ACTN4: variants seen among roughly 807,000 people sequenced by gnomAD.
ACTN4 encodes the protein alpha-actinin-4.
A neutral mutation model predicts 114.2 loss-of-function variants in ACTN4; 18 were observed. The ratio of observed to expected loss-of-function variants is 0.16; its 90% CI spans 0.11 to 0.23. The LOEUF is 0.23. Among genes scored for constraint, ACTN4 ranks in the 10% least tolerant of loss-of-function variants. The probability of loss-of-function intolerance (pLI) is 1.00; values close to 1 mark genes in which losing one functional copy is unlikely to be tolerated. For synonymous variants in ACTN4, 515 were observed against 506.3 expected, an observed-to-expected ratio of 1.02 and a Z score of -0.23; for missense variants, 722 against 1,262.9, an observed-to-expected ratio of 0.57 and a Z score of 6.49.
intron 1 of ACTN4, among the ~76,000 whole-genome samples, chr19:38,691,401 C>CAAAAAAAA (rs34899917): frequency 9.5e-5 from 5 of 52,868 alleles, no homozygotes; most frequent in East Asian, 1.1e-3. Flanking sequence ...AACTCCGTCT[C>CAAAAAAAA]AAAAAAAAAA....
chr19:38,717,798 A>G lies in ACTN4; in HGVS notation c.1144-129A>G. Reference sequence around the variant, plus strand: ...GGCCCTGTGTAGGCATCCAGGTATAATAGCAAAGCATGACACAGACATGAC... The same window carrying G: ...GGCCCTGTGTAGGCATCCAGGTATAGTAGCAAAGCATGACACAGACATGAC... On this transcript the variant is annotated intron_variant, in intron 10 of 20. Coordinates refer to ENST00000252699, the MANE Select transcript of ACTN4 (RefSeq NM_004924.6). The surrounding 1 kb of genome is among the most constrained non-coding windows in gnomAD (Gnocchi z 4.0). 2.3e-6 allele frequency: 3 copies of G among 1,281,270 alleles called. No individual in the cohort carries two copies. The allele number at this position is 1,281,270 out of a possible 1,614,324, so 79.4% of individuals were successfully genotyped here.
intron 8 of ACTN4, 96 bp from the exon 9 acceptor site, chr19:38,714,373 T>TC: frequency 8.9e-7 from 1 of 1,120,366 alleles, no homozygotes; most frequent in Middle Eastern, 2.3e-4. Flanking sequence ...TGTGAGGAGT[T>TC]CCGTGGGCCA....
intron 1 of ACTN4, among the ~76,000 whole-genome samples, chr19:38,693,097 A>C (rs969159417): frequency 2.6e-5 from 4 of 152,160 alleles, no homozygotes. Context: ...GCGGGTGGGC[A>C]GTGTACACGG....
At chr19:38,705,639 A>G (rs1321603530) in intron 4 of ACTN4, among the ~76,000 whole-genome samples, 1 of 152,208 alleles carries the variant, frequency 6.6e-6, no homozygotes, top group Non-Finnish European at 1.5e-5. Flanking sequence ...GCCTCTCTAC[A>G]GCTGGTATTT....
At chr19:38,668,791 C>A (rs1967043311) in intron 1 of ACTN4, among the ~76,000 whole-genome samples, 1 of 152,194 alleles carries the variant, frequency 6.6e-6, no homozygotes, top group South Asian at 2.1e-4. Context: ...TTTTACTGCT[C>A]ACTGACTTAC....
chr19:38,707,666 G>T (rs761878374), intron 5 of ACTN4, among the ~76,000 whole-genome samples: 3 of 152,170 alleles, frequency 2.0e-5, no homozygotes, highest in Non-Finnish European at 2.9e-5. Context: ...GGGTGTGGAG[G>T]CCACACAGCA....
intron 1 of ACTN4, among the ~76,000 whole-genome samples, chr19:38,697,172 G>A (rs1466926751): frequency 1.3e-5 from 2 of 152,210 alleles, no homozygotes; most frequent in African/African-American, 4.8e-5. Flanking sequence ...TGGAGGGCGG[G>A]TAGGGCAGCA....
chr19:38,714,075 C>CCCAGCTCT (rs1245620301), intron 8 of ACTN4, among the ~76,000 whole-genome samples: 23 of 152,220 alleles, frequency 1.5e-4, no homozygotes, highest in Admixed American at 1.5e-3. Context: ...CTCTGTTGCC[C>CCCAGCTCT]CCAGCTCTCC....
intron 11 of ACTN4, among the ~76,000 whole-genome samples, chr19:38,720,722 C>T (rs1359482820): frequency 6.6e-6 from 1 of 152,198 alleles, no homozygotes; most frequent in Non-Finnish European, 1.5e-5. Context: ...AGGCACAGGC[C>T]CAGAGAGGCC....
intron 1 of ACTN4, among the ~76,000 whole-genome samples, chr19:38,656,295 A>G (rs1976709433): frequency 6.6e-6 from 1 of 152,238 alleles, no homozygotes; most frequent in Non-Finnish European, 1.5e-5. Flanking sequence ...GTGTTTTTGT[A>G]GAGATGGGGT....
chr19:38,656,799 G>T (rs1437874648), intron 1 of ACTN4, among the ~76,000 whole-genome samples: 1 of 152,150 alleles, frequency 6.6e-6, no homozygotes, highest in African/African-American at 2.4e-5. Flanking sequence ...AAGGTGTGGG[G>T]CTGAGTGATG....
At chr19:38,716,162 C>T (rs1383998685) in intron 9 of ACTN4, among the ~76,000 whole-genome samples, 2 of 152,220 alleles carry the variant, frequency 1.3e-5, no homozygotes, top group African/African-American at 2.4e-5. Flanking sequence ...ACCTCAGCCT[C>T]CCAAAGTGCT....
At chr19:38,650,397 C>G (rs1348537272) in intron 1 of ACTN4, among the ~76,000 whole-genome samples, 1 of 152,094 alleles carries the variant, frequency 6.6e-6, no homozygotes, top group East Asian at 1.9e-4. Flanking sequence ...AACCTCCAGG[C>G]CTTGCTGCCA....
In ACTN4 at chr19:38,723,700, A is replaced by T; in HGVS notation, c.1529A>T (p.His510Leu). 2.5e-6 allele frequency: 4 copies of T among 1,612,146 alleles called. No individual in the cohort carries two copies. Among genetic ancestry groups the T allele is most frequent in the Non-Finnish European group, 3.4e-6 (4 of 1,179,102 alleles). ...TGGGACGCCCTCGGCTCTCTGACAC[A>T]TAGTCGCAGGGAAGCCCTGGAGGTG... is the stretch of plus-strand genomic sequence containing the variant. ...DQWDALGSLT[H>L]SRREALEKTE... Residue 510 changes from histidine to leucine, a missense_variant, in exon 13 of 21, where the codon CAT becomes CTT. By Grantham distance (99) the His-to-Leu change is moderately conservative (BLOSUM62 -3). Transcript: ENST00000252699.
intron 1 of ACTN4, among the ~76,000 whole-genome samples, chr19:38,671,193 C>T (rs143747151): frequency 2.6e-5 from 4 of 152,236 alleles, no homozygotes; most frequent in East Asian, 1.9e-4. Flanking sequence ...TTCCAGCCTC[C>T]GGACTCCTCC....
intron 1 of ACTN4, among the ~76,000 whole-genome samples, chr19:38,691,561 C>G (rs755314265): frequency 6.6e-6 from 1 of 151,946 alleles, no homozygotes; most frequent in Non-Finnish European, 1.5e-5. Context: ...AAGAGCTAGA[C>G]GAAAGTCTTA....
intron 1 of ACTN4, chr19:38,683,933 G>A (rs1967657410): frequency 6.6e-6 from 1 of 152,250 alleles, no homozygotes; most frequent in Admixed American, 6.5e-5. Flanking sequence ...AGGACCTCCT[G>A]GGACTGCCCT....
At chr19:38,673,689 T>C (rs865981762) in intron 1 of ACTN4, among the ~76,000 whole-genome samples, 20,204 of 63,876 alleles carry the variant, frequency 0.32, 5,447 homozygotes, top group Non-Finnish European at 0.42. Context: ...TATTTATATA[T>C]ATTATATATA....
chr19:38,649,371 A>C, intron 1 of ACTN4, among the ~76,000 whole-genome samples: 1 of 136,690 alleles, frequency 7.3e-6, no homozygotes, highest in Admixed American at 7.3e-5. Context: ...TGTGGGGGGA[A>C]GGGGTTGTTC....
Sources: allele counts gnomAD v4.1 joint callset (sites outside exome capture counted in the v4.1 genomes callset), GRCh38; gene constraint gnomAD v4.1.1; non-coding constraint Gnocchi (gnomAD v3.1); transcripts MANE v1.5; gene names NCBI Gene and HGNC (gene_info 2026-07-23, HGNC 2026-07-21).